Variants in MCTP1 observed in about 807,000 individuals in gnomAD.
MCTP1 encodes multiple C2 and transmembrane domain containing 1.
In MCTP1, 69 loss-of-function variants were observed where a neutral mutation model predicts 120.6. The ratio of observed to expected loss-of-function variants is 0.57; its 90% CI spans 0.47 to 0.70. The LOEUF (loss-of-function observed/expected upper bound fraction) is 0.70, where lower values mean the gene tolerates loss of function less well. MCTP1 is among the 30% of genes least tolerant of loss of function. The pLI is 0.00. For synonymous variants in MCTP1, 529 were observed against 493.1 expected, an observed-to-expected ratio of 1.07 and a Z score of -0.96; for missense variants, 1,203 against 1,248.8, an observed-to-expected ratio of 0.96 and a Z score of 0.55.
chr5:94,763,179 G>A (rs1224888496), intron 19 of MCTP1, among the ~76,000 whole-genome samples: 1 of 152,078 alleles, frequency 6.6e-6, no homozygotes, highest in Non-Finnish European at 1.5e-5. Context: ...TCTACTTCAA[G>A]TCTCATTTCC....
intron 17 of MCTP1, among the ~76,000 whole-genome samples, chr5:94,851,106 C>T (rs965148786): frequency 1.3e-4 from 20 of 152,172 alleles, no homozygotes; most frequent in East Asian, 3.9e-4. Flanking sequence ...AAAAATACAT[C>T]GAATTAACAC....
At chr5:95,277,320 C>A (rs1346717678) in intron 1 of MCTP1, among the ~76,000 whole-genome samples, 1 of 152,176 alleles carries the variant, frequency 6.6e-6, no homozygotes, top group African/African-American at 2.4e-5. Context: ...GGCTTTAATT[C>A]TGCTTCTTGT....
intron 1 of MCTP1, among the ~76,000 whole-genome samples, chr5:95,254,407 C>A (rs530014348): frequency 6.6e-6 from 1 of 152,214 alleles, no homozygotes; most frequent in African/African-American, 2.4e-5. Context: ...CCCTATCTAA[C>A]TAAGGTCACA....
rs555798472 is a variant in MCTP1, at chr5:95,022,871, G to A, written c.721-5387C>T. ...GACTGTAATATACTGAAGGTATGAAGTCATTGGGAGAGAAGGACAGTGGAT... is the reference window on the plus strand; with the variant it reads ...GACTGTAATATACTGAAGGTATGAAATCATTGGGAGAGAAGGACAGTGGAT... On this transcript the variant is annotated intron_variant, in intron 1 of 22. Transcript: ENST00000515393. 4.9e-4 allele frequency among the ~76,000 whole-genome samples: 74 copies of A among 152,260 alleles called. 1 individual carries two copies. The highest frequency in any genetic ancestry group is 1.8e-3 in the African/African-American group (74 of 41,554).
At chr5:95,231,334 A>G (rs1398533478) in intron 1 of MCTP1, among the ~76,000 whole-genome samples, 1 of 152,138 alleles carries the variant, frequency 6.6e-6, no homozygotes, top group Non-Finnish European at 1.5e-5. Flanking sequence ...ACTGATGGAT[A>G]AGGATATATA....
At chr5:94,753,478 T>G (rs1186018224) in intron 19 of MCTP1, among the ~76,000 whole-genome samples, 1 of 152,250 alleles carries the variant, frequency 6.6e-6, no homozygotes, top group Non-Finnish European at 1.5e-5. Flanking sequence ...GTGTAAAGGT[T>G]GTTTTAGAAG....
intron 1 of MCTP1, among the ~76,000 whole-genome samples, chr5:95,273,276 T>C (rs112939445): frequency 0.011 from 1,687 of 152,368 alleles, 19 homozygotes; most frequent in African/African-American, 0.038. Context: ...AGAACAGGAA[T>C]GGATAGAATA....
chr5:94,930,605 A>G (rs1269283425), intron 6 of MCTP1: 2 of 152,060 alleles, frequency 1.3e-5, no homozygotes, highest in Non-Finnish European at 2.9e-5. Context: ...CTTTTATACA[A>G]TAGAATGGAT....
intron 2 of MCTP1, among the ~76,000 whole-genome samples, chr5:94,953,985 T>C (rs540282613): frequency 4.0e-5 from 3 of 74,630 alleles, no homozygotes; most frequent in African/African-American, 5.6e-5. Context: ...TGCATATATA[T>C]ACAAATATAT....
chr5:94,883,170 G>A (rs967934549), intron 12 of MCTP1, among the ~76,000 whole-genome samples: 3 of 152,092 alleles, frequency 2.0e-5, no homozygotes, highest in Non-Finnish European at 2.9e-5. Context: ...TTAAGGAAAA[G>A]ATTTATATAG....
intron 1 of MCTP1, among the ~76,000 whole-genome samples, chr5:95,174,062 C>A (rs1397144172): frequency 6.6e-6 from 1 of 151,972 alleles, no homozygotes; most frequent in African/African-American, 2.4e-5. Flanking sequence ...GGCCCAATAT[C>A]AAATTGGCTC....
chr5:94,710,128 G>GA (rs750847760), intron 21 of MCTP1: 11 of 152,012 alleles, frequency 7.2e-5, no homozygotes, highest in Non-Finnish European at 1.5e-4. Context: ...CCTAGAGACT[G>GA]AAAATTGTTT....
At chr5:94,813,428 T>C (rs1783854205) in intron 17 of MCTP1, among the ~76,000 whole-genome samples, 1 of 152,170 alleles carries the variant, frequency 6.6e-6, no homozygotes, top group Non-Finnish European at 1.5e-5. Context: ...AATGTAAACA[T>C]ACATTTACCA....
chr5:94,843,645 G>C (rs1307683992), intron 17 of MCTP1, among the ~76,000 whole-genome samples: 1 of 152,176 alleles, frequency 6.6e-6, no homozygotes, highest in Non-Finnish European at 1.5e-5. Flanking sequence ...GCCATTAGTT[G>C]TGTCTCTTTA....
intron 1 of MCTP1, among the ~76,000 whole-genome samples, chr5:95,153,349 C>A (rs1232269131): frequency 6.6e-6 from 1 of 152,174 alleles, no homozygotes; most frequent in Non-Finnish European, 1.5e-5. Context: ...CCAATTAAAC[C>A]TCTTTCCTTT....
chr5:94,904,672 G>A (rs1806354660), intron 10 of MCTP1, among the ~76,000 whole-genome samples: 2 of 152,140 alleles, frequency 1.3e-5, no homozygotes, highest in Non-Finnish European at 2.9e-5. Context: ...CCTTTCCACA[G>A]TTACACTGAA....
chr5:94,891,771 T>A (rs959362304), intron 11 of MCTP1, among the ~76,000 whole-genome samples: 3 of 151,176 alleles, frequency 2.0e-5, no homozygotes, highest in East Asian at 1.9e-4. Flanking sequence ...AATAAATAAA[T>A]AAATAAATAA....
intron 1 of MCTP1, among the ~76,000 whole-genome samples, chr5:95,099,441 C>T (rs1470749463): frequency 6.6e-6 from 1 of 151,886 alleles, no homozygotes. Flanking sequence ...AAACAAACAA[C>T]CCCATCAAAA....
At chr5:94,952,192 A>AAAAAAAAAAAAAAG (rs1561912862) in intron 3 of MCTP1, among the ~76,000 whole-genome samples, 2 of 143,410 alleles carry the variant, frequency 1.4e-5, no homozygotes, top group Non-Finnish European at 3.1e-5. Context: ...AAAAAAAAAA[A>AAAAAAAAAAAAAAG]AGCTATTGAA....
Sources: allele counts gnomAD v4.1 joint callset (sites outside exome capture counted in the v4.1 genomes callset), GRCh38; gene constraint gnomAD v4.1.1; transcripts MANE v1.5; gene names NCBI Gene and HGNC (gene_info 2026-07-23, HGNC 2026-07-21).